The following KCNQ1 variants were observed in gnomAD, a reference collection of about 807,000 sequenced individuals.
KCNQ1 encodes the protein potassium voltage-gated channel subfamily Q member 1.
KCNQ1 carries 49 observed loss-of-function variants against 72.4 expected under a neutral mutation model. The ratio of observed to expected loss-of-function variants is 0.68; its 90% CI spans 0.54 to 0.86. KCNQ1 has a LOEUF of 0.86. KCNQ1 is among the 40% of genes least tolerant of loss of function. KCNQ1 has a pLI of 0.00. For missense variants in KCNQ1, 790 were observed against 945.1 expected, an observed-to-expected ratio of 0.84 and a Z score of 2.15; for synonymous variants, 450 against 412.6, an observed-to-expected ratio of 1.09 and a Z score of -1.10.
chr11:2,800,028 C>T (rs1046671766), intron 15 of KCNQ1, among the ~76,000 whole-genome samples: 7 of 152,194 alleles, frequency 4.6e-5, no homozygotes, highest in Admixed American at 3.9e-4. Flanking sequence ...GGCTCAGCCA[C>T]CCTCAGGTCT....
intron 11 of KCNQ1, chr11:2,672,606 G>A (rs1850206464): frequency 2.5e-6 from 1 of 398,594 alleles, no homozygotes; most frequent in Non-Finnish European, 4.4e-6. Context: ...CATCCCTGTA[G>A]GTGTCAGGTG....
rs139333091 is a variant in KCNQ1 at position 2,454,780 on chromosome 11, A to G, written c.386+9296A>G. ...CATCAAAGGAACATATCTCAATAAG[A>G]GCCATCTATGACAAACCCATGGTAA... On this transcript the variant is annotated intron_variant, in intron 1 of 15. Transcript: ENST00000155840. Among the ~76,000 whole-genome samples the G allele has an allele frequency of 1.7e-3, 263 of 152,346 alleles. 3 individuals carry two copies. Among genetic ancestry groups the G allele is most frequent in the Middle Eastern group, 6.8e-3 (2 of 294 alleles).
In KCNQ1 at chr11:2,602,933, T is replaced by G. The variant is rs1266482014; in HGVS notation, c.1393+14079T>G. ...TTTAAATTTTGATGAGATTCAATGT[T>G]TCCTTTTTATGGATTACACTTCTGA... On this transcript the variant is annotated intron_variant, in intron 10 of 15. Transcript: ENST00000155840. This position sits in a 1 kb window ranked among gnomAD's most constrained non-coding sequence, Gnocchi z 4.8. Among the ~76,000 whole-genome samples, 1 of 152,192 alleles carries G rather than the reference T, an allele frequency of 6.6e-6. No homozygotes were observed. The highest frequency in any genetic ancestry group is 1.5e-5 in the Non-Finnish European group (1 of 68,028).
intron 10 of KCNQ1, chr11:2,646,850 C>A (rs985809936): frequency 2.5e-6 from 1 of 398,488 alleles, no homozygotes; most frequent in Non-Finnish European, 4.4e-6. Context: ...TTTTATCCTG[C>A]AACTTTATTG....
rs375684283 is a variant in KCNQ1 at position 2,703,971 on chromosome 11, C to G, written c.1514+41890C>G. On this transcript the variant is annotated intron_variant, in intron 11 of 15. Coordinates refer to ENST00000155840, the MANE Select transcript of KCNQ1 (RefSeq NM_000218.3). This position sits in a 1 kb window ranked among gnomAD's most constrained non-coding sequence, Gnocchi z 6.4. ...CGCTGCTCTCAGGAGTGGACAGGAACGTGGGGGAGTGGGGGTGGTTAGGAC... is the reference window on the plus strand; with the variant it reads ...CGCTGCTCTCAGGAGTGGACAGGAAGGTGGGGGAGTGGGGGTGGTTAGGAC... Among the ~76,000 whole-genome samples, 1 of 151,982 alleles carries G rather than the reference C, an allele frequency of 6.6e-6. No homozygotes were observed. Among genetic ancestry groups the G allele is most frequent in the Non-Finnish European group, 1.5e-5 (1 of 67,962 alleles).
At chr11:2,629,163 A>G (rs1289778795) in intron 10 of KCNQ1, 3 of 398,180 alleles carry the variant, frequency 7.5e-6, no homozygotes, top group Non-Finnish European at 1.3e-5. Flanking sequence ...ATTGCCTTGA[A>G]TCTGTAGATC....
Position 2,603,403 on chromosome 11 carries a change from T to C in KCNQ1, c.1393+14549T>C, listed in dbSNP as rs774099564. ...CACATTTAATTTTTTAAAAACACAA[T>C]ATCCACAAAGTGCAAAAAAGTGAAG... is the stretch of plus-strand genomic sequence containing the variant. On this transcript the variant is annotated intron_variant, in intron 10 of 15. Coordinates refer to ENST00000155840, the MANE Select transcript of KCNQ1 (RefSeq NM_000218.3). This position sits in a 1 kb window ranked among gnomAD's most constrained non-coding sequence, Gnocchi z 4.1. Among the ~76,000 whole-genome samples the C allele has an allele frequency of 1.7e-4, 26 of 152,126 alleles. No homozygotes were observed. The highest frequency in any genetic ancestry group is 3.4e-4 in the Non-Finnish European group (23 of 68,024).
Position 2,550,762 on chromosome 11 carries a change from G to A in KCNQ1, c.478-19866G>A, listed in dbSNP as rs566841874. Among the ~76,000 whole-genome samples, 6 of 152,298 alleles carry A rather than the reference G, an allele frequency of 3.9e-5. No individual in the cohort carries two copies. The highest frequency in any genetic ancestry group is 3.9e-4 in the Admixed American group (6 of 15,300). On this transcript the variant is annotated intron_variant, in intron 2 of 15. Transcript: ENST00000155840. This position sits in a 1 kb window ranked among gnomAD's most constrained non-coding sequence, Gnocchi z 6.0. ...GCACCAGGCTCAGCCCAGGACCAGA[G>A]CGCAAATAGGGCTGGAGTCCCGAGT...
At position 2,511,592 on chromosome 11, in the gene KCNQ1, G is replaced by A. The variant is rs368938519; in HGVS notation, c.387-16336G>A. Among the ~76,000 whole-genome samples the A allele has an allele frequency of 3.9e-5, 6 of 152,324 alleles. No individual in the cohort carries two copies. The South Asian group carries it at 6.2e-4, about 16-fold the overall frequency. ...CCAACCTGCCCCTCCTGCCAGAGCT[G>A]GGCTCCTGTTGGGCGGGACTGAGGA... On this transcript the variant is annotated intron_variant, in intron 1 of 15. Transcript: ENST00000155840.
chr11:2,498,031 C>T lies in KCNQ1; in HGVS notation c.387-29897C>T, dbSNP rs1259402705. Among the ~76,000 whole-genome samples, 1 of 152,216 alleles carries T rather than the reference C, an allele frequency of 6.6e-6. No individual in the cohort carries two copies. Among genetic ancestry groups the T allele is most frequent in the South Asian group, 2.1e-4 (1 of 4,824 alleles). Reference sequence around the variant, plus strand: ...AGAACAGCAAAGATTGCTGCCTACTCCTTCCTCTGGAAGCTTTGTCCCAGA... The same window carrying T: ...AGAACAGCAAAGATTGCTGCCTACTTCTTCCTCTGGAAGCTTTGTCCCAGA... On this transcript the variant is annotated intron_variant, in intron 1 of 15. Coordinates refer to ENST00000155840, the MANE Select transcript of KCNQ1 (RefSeq NM_000218.3). The surrounding 1 kb of genome is among the most constrained non-coding windows in gnomAD (Gnocchi z 4.8).
chr11:2,833,952 AC>A (rs1168499420), intron 15 of KCNQ1, among the ~76,000 whole-genome samples: 4 of 150,982 alleles, frequency 2.6e-5, no homozygotes, highest in Admixed American at 2.0e-4. Flanking sequence ...CCACCTCCTC[AC>A]CCCCTTCCCA....
At chr11:2,689,834 C>T (rs1850559223) in intron 11 of KCNQ1, 1 of 398,698 alleles carries the variant, frequency 2.5e-6, no homozygotes, top group Admixed American at 4.4e-5. Context: ...TCCCAGGTGC[C>T]TGGTTGTGGC....
At chr11:2,773,574 G>A (rs1240575302) in intron 12 of KCNQ1, among the ~76,000 whole-genome samples, 3 of 149,896 alleles carry the variant, frequency 2.0e-5, no homozygotes, top group Non-Finnish European at 4.4e-5. Context: ...CTATAGGAAG[G>A]AGAAACATCC....
chr11:2,469,794 C>T (rs1215013803), intron 1 of KCNQ1, among the ~76,000 whole-genome samples: 1 of 152,136 alleles, frequency 6.6e-6, no homozygotes, highest in Non-Finnish European at 1.5e-5. Context: ...CTGCCTCAGC[C>T]TCCCGAGTAG....
At chr11:2,739,071 G>A (rs536272052) in intron 11 of KCNQ1, among the ~76,000 whole-genome samples, 2 of 152,294 alleles carry the variant, frequency 1.3e-5, no homozygotes, top group Non-Finnish European at 2.9e-5. Context: ...TGCTGCCTCC[G>A]CCTCCCTGTG....
chr11:2,831,346 C>T (rs1847946584), intron 15 of KCNQ1, among the ~76,000 whole-genome samples: 4 of 152,216 alleles, frequency 2.6e-5, no homozygotes, highest in East Asian at 3.9e-4. Flanking sequence ...GGACCAGTGG[C>T]GGCTGGAAAT....
chr11:2,775,362 T>C (rs1053970867), intron 12 of KCNQ1, among the ~76,000 whole-genome samples: 2 of 152,204 alleles, frequency 1.3e-5, no homozygotes, highest in Non-Finnish European at 2.9e-5. Flanking sequence ...CCAGCCCCAC[T>C]GTGGGAGCCC....
rs1421042500 is a variant in KCNQ1, at chr11:2,463,601, A to ACTGGGG, written c.386+18131_386+18136dup. Among the ~76,000 whole-genome samples the ACTGGGG allele has an allele frequency of 2.0e-5, 3 of 152,094 alleles. No individual in the cohort carries two copies. Among genetic ancestry groups the ACTGGGG allele is most frequent in the Non-Finnish European group, 2.9e-5 (2 of 67,970 alleles). The stretch of plus-strand genomic sequence containing the variant: ...CCTGGGCACCCTGCCTCTTCCGGGG[A>ACTGGGG]CTGGGGCTGGGGCTGGGGCAGCTGT... On this transcript the variant is annotated intron_variant, in intron 1 of 15. Coordinates refer to ENST00000155840, the MANE Select transcript of KCNQ1 (RefSeq NM_000218.3). This position sits in a 1 kb window ranked among gnomAD's most constrained non-coding sequence, Gnocchi z 7.0.
Position 2,598,817 on chromosome 11 carries a change from G to A in KCNQ1, c.1393+9963G>A, listed in dbSNP as rs1848764721. Among the ~76,000 whole-genome samples, 1 of 152,190 alleles carries A rather than the reference G, an allele frequency of 6.6e-6. No individual in the cohort carries two copies. The highest frequency in any genetic ancestry group is 1.5e-5 in the Non-Finnish European group (1 of 68,036). ...AAGCTACTGCATTCTCTGTGCCTCAGTTTCCACATCTGTGAAATCAGGATC... is the reference window on the plus strand; with the variant it reads ...AAGCTACTGCATTCTCTGTGCCTCAATTTCCACATCTGTGAAATCAGGATC... On this transcript the variant is annotated intron_variant, in intron 10 of 15. Coordinates refer to ENST00000155840, the MANE Select transcript of KCNQ1 (RefSeq NM_000218.3). The surrounding 1 kb of genome is among the most constrained non-coding windows in gnomAD (Gnocchi z 6.2).
Sources: allele counts gnomAD v4.1 joint callset (sites outside exome capture counted in the v4.1 genomes callset), GRCh38; gene constraint gnomAD v4.1.1; non-coding constraint Gnocchi (gnomAD v3.1); transcripts MANE v1.5; gene names NCBI Gene and HGNC (gene_info 2026-07-23, HGNC 2026-07-21).